The following ADGRL3 variants were observed in gnomAD, a reference collection of about 807,000 sequenced individuals.
ADGRL3 encodes calcium-independent alpha-latrotoxin receptor 3.
In ADGRL3, 62 loss-of-function variants were observed where a neutral mutation model predicts 153.5. The ratio of observed to expected loss-of-function variants is 0.40; its 90% CI spans 0.33 to 0.50. The LOEUF (loss-of-function observed/expected upper bound fraction) is 0.50, where lower values mean the gene tolerates loss of function less well. Among genes scored for constraint, ADGRL3 ranks in the 20% least tolerant of loss-of-function variants. ADGRL3 has a pLI of 0.47. For synonymous variants in ADGRL3, 710 were observed against 672.5 expected (o/e 1.06, Z -0.86); for missense variants, 1,641 against 1,859.4 (o/e 0.88, Z 2.16).
At chr4:61,349,583 T>C (rs1167122610) in intron 1 of ADGRL3, among the ~76,000 whole-genome samples, 1 of 151,858 alleles carries the variant, frequency 6.6e-6, no homozygotes, top group African/African-American at 2.4e-5. Context: ...CCTGGTTGCA[T>C]TGTTACATGT....
At chr4:62,005,963 CACAT>C (rs1388290902) in intron 21 of ADGRL3, among the ~76,000 whole-genome samples, 10 of 75,760 alleles carry the variant, frequency 1.3e-4, no homozygotes, top group African/African-American at 4.6e-4. Context: ...CATATATATA[CACAT>C]ACACACACAC....
At chr4:61,979,501 T>A in intron 17 of ADGRL3, 62 bp from the exon 18 acceptor site, 1 of 1,362,708 alleles carries the variant, frequency 7.3e-7, no homozygotes, top group South Asian at 1.2e-5. Flanking sequence ...TCCAGGCCCT[T>A]ATAAAACTTT....
At chr4:61,485,033 A>G (rs1399751322) in intron 2 of ADGRL3, among the ~76,000 whole-genome samples, 2 of 152,198 alleles carry the variant, frequency 1.3e-5, no homozygotes, top group Non-Finnish European at 2.9e-5. Flanking sequence ...CAGCAGAAAT[A>G]TTGCATCATC....
chr4:61,444,658 G>C lies in ADGRL3; in HGVS notation c.-173-52463G>C, dbSNP rs7672367. Reference sequence around the variant, plus strand: ...CTCCAGGATTTTTTTTTATTAGGCTGAAATGTTGGTGGAATTACTTATTGT... The same window carrying C: ...CTCCAGGATTTTTTTTTATTAGGCTCAAATGTTGGTGGAATTACTTATTGT... On this transcript the variant is annotated intron_variant, in intron 2 of 26. Transcript: ENST00000683033. 4.6e-3 allele frequency among the ~76,000 whole-genome samples: 696 copies of C among 152,092 alleles called. 6 individuals carry two copies. Among genetic ancestry groups the C allele is most frequent in the African/African-American group, 0.015 (642 of 41,488 alleles).
In ADGRL3 at chr4:61,497,176, T is replaced by G. The variant is rs542779581; in HGVS notation, c.-118T>G. The G allele has an allele frequency of 1.6e-6, 1 of 644,506 alleles. No individual in the cohort carries two copies. The highest frequency in any genetic ancestry group is 3.7e-5 in the Admixed American group (1 of 27,318). The allele number at this position is 644,506 out of a possible 1,614,324, so 39.9% of individuals were successfully genotyped here. A position where few individuals can be genotyped will look rare whatever the true frequency, so the allele number is the denominator to read the frequency against. On this transcript the variant is annotated 5_prime_UTR_variant, in exon 3 of 27. Transcript: ENST00000683033. ...TTTGGAGAAATTATTCTTTTTCTTT[T>G]TAATTTGAAGAAAAATCATCAGTCT...
At chr4:61,445,494 G>A (rs1432061178) in intron 2 of ADGRL3, among the ~76,000 whole-genome samples, 1 of 152,218 alleles carries the variant, frequency 6.6e-6, no homozygotes, top group African/African-American at 2.4e-5. Context: ...AGATGTAATA[G>A]GAGTGTCATA....
chr4:61,544,452 T>A (rs112904924), intron 4 of ADGRL3, among the ~76,000 whole-genome samples: 1 of 152,214 alleles, frequency 6.6e-6, no homozygotes, highest in African/African-American at 2.4e-5. Flanking sequence ...GAACTACTGA[T>A]GGTAAGTAAG....
chr4:62,037,747 G>A lies in ADGRL3; in HGVS notation c.3608G>A (p.Gly1203Glu), dbSNP rs1331407966. 3 of 1,613,672 alleles carry A rather than the reference G, an allele frequency of 1.9e-6. No homozygotes were observed. The highest frequency in any genetic ancestry group is 1.7e-6 in the Non-Finnish European group (2 of 1,179,728). ...ATTGGCTAGGTACGAAAAGAGTATG[G>A]GAAATGCCTGCGAACACATTGCTGT... is the stretch of plus-strand genomic sequence containing the variant. ...VLQKKVRKEY[G>E]KCLRTHCCSG... Residue 1203 changes from glycine (G) to glutamate (E), a missense_variant, in exon 24 of 27, where the codon GGG (glycine) becomes GAG (glutamate). By Grantham distance (98) the Gly-to-Glu change is moderately conservative. This residue lies in a region of ADGRL3 where 517 missense variants were observed against 555.0 expected (regional missense o/e 0.93). Transcript: ENST00000683033.
chr4:61,794,901 C>T (rs2097389445), intron 8 of ADGRL3, among the ~76,000 whole-genome samples: 1 of 150,816 alleles, frequency 6.6e-6, no homozygotes, highest in African/African-American at 2.4e-5. Context: ...AGGAAAGTTA[C>T]TTATTGTCAT....
chr4:61,934,583 A>T (rs2098830517), intron 13 of ADGRL3, among the ~76,000 whole-genome samples: 1 of 152,196 alleles, frequency 6.6e-6, no homozygotes, highest in Admixed American at 6.5e-5. Flanking sequence ...ATTGATTCTA[A>T]GAAGCAAGCA....
intron 2 of ADGRL3, among the ~76,000 whole-genome samples, chr4:61,429,362 A>G (rs2097327542): frequency 6.6e-6 from 1 of 152,176 alleles, no homozygotes; most frequent in Non-Finnish European, 1.5e-5. Flanking sequence ...AAGCAAACTT[A>G]AAAGTTAAAG....
chr4:61,693,871 G>A (rs1296053323), intron 6 of ADGRL3, among the ~76,000 whole-genome samples: 1 of 152,120 alleles, frequency 6.6e-6, no homozygotes, highest in African/African-American at 2.4e-5. Flanking sequence ...CTTAGGAGAG[G>A]AGTGAGAAGT....
At chr4:61,767,777 G>A (rs1436603382) in intron 8 of ADGRL3, among the ~76,000 whole-genome samples, 2 of 152,168 alleles carry the variant, frequency 1.3e-5, no homozygotes, top group African/African-American at 2.4e-5. Flanking sequence ...AGGAGGTTCT[G>A]GAGGAACGCC....
rs537766503 is a variant in ADGRL3 at position 61,871,205 on chromosome 4, G to T, written c.1481-21451G>T. Among the ~76,000 whole-genome samples the T allele has an allele frequency of 3.9e-5, 6 of 151,950 alleles. No homozygotes were observed. In the East Asian group the frequency reaches 1.2e-3, roughly 29 times the overall value. On this transcript the variant is annotated intron_variant, in intron 9 of 26. Transcript: ENST00000683033. The stretch of plus-strand genomic sequence containing the variant: ...AGGCAGGAGAATGGCGTGAACCCAG[G>T]AGGCGGAGCTTGCAGTGAGCAGAGA...
At position 62,044,523 on chromosome 4, in the gene ADGRL3, T is replaced by C. The variant is rs1299161355; in HGVS notation, c.3788T>C (p.Ile1263Thr). 1 of 1,593,960 alleles carries C rather than the reference T, an allele frequency of 6.3e-7. No homozygotes were observed. ...GAGTCTTCCTTTATTACTGGAGACA[T>C]AAACAGTTCAGCGTCACTCAACAGA... is the stretch of plus-strand genomic sequence containing the variant. ...QSESSFITGD[I>T]NSSASLNREP... Residue 1263 changes from isoleucine to threonine, a missense_variant, in exon 25 of 27, where the codon ATA (isoleucine) becomes ACA (threonine). By Grantham distance (89) the Ile-to-Thr change is moderately conservative. This residue lies in a region of ADGRL3 where 517 missense variants were observed against 555.0 expected (regional missense o/e 0.93). Transcript: ENST00000683033.
At chr4:61,979,972 T>G (rs2099061893) in intron 18 of ADGRL3, among the ~76,000 whole-genome samples, 200 bp downstream of exon 18, 1 of 152,230 alleles carries the variant, frequency 6.6e-6, no homozygotes. Context: ...GAATAAGGTG[T>G]ATATTTCATT....
intron 1 of ADGRL3, among the ~76,000 whole-genome samples, chr4:61,223,949 G>T (rs915307890): frequency 5.9e-5 from 9 of 152,038 alleles, no homozygotes; most frequent in Non-Finnish European, 8.8e-5. Context: ...AATTTTTCAT[G>T]CATTGCTTAA....
At chr4:61,833,144 C>T (rs769924982) in intron 9 of ADGRL3, among the ~76,000 whole-genome samples, 11 of 151,954 alleles carry the variant, frequency 7.2e-5, no homozygotes, top group Non-Finnish European at 1.0e-4. Context: ...AAGACTGAAT[C>T]GCAAATTGAA....
intron 6 of ADGRL3, among the ~76,000 whole-genome samples, chr4:61,699,977 CACAG>C (rs778579516): frequency 8.1e-4 from 122 of 149,824 alleles, no homozygotes; most frequent in Admixed American, 1.7e-3. Flanking sequence ...CAAAAACACA[CACAG>C]AGAGAGAGAG....
Sources: gnomAD v4.1 joint callset for allele counts (sites outside exome capture counted in the v4.1 genomes callset) on GRCh38, gnomAD v4.1.1 for gene constraint, gnomAD v4.1.1 regional missense constraint, MANE v1.5 for transcripts, NCBI Gene and HGNC (gene_info 2026-07-23, HGNC 2026-07-21) for gene names.